Variants in TTC39B observed in about 807,000 individuals in gnomAD.
The protein encoded by TTC39B is tetratricopeptide repeat domain 39B, also known as tetratricopeptide repeat protein 39B.
TTC39B carries 92 observed loss-of-function variants against 96.6 expected under a neutral mutation model. The ratio of observed to expected loss-of-function variants is 0.95; its 90% CI spans 0.80 to 1.13. The LOEUF is 1.13. TTC39B is among the 50% of genes most tolerant of loss of function. The probability of loss-of-function intolerance (pLI) is 0.00; values close to 1 mark genes in which losing one functional copy is unlikely to be tolerated. For synonymous variants in TTC39B, 367 were observed against 299.4 expected (o/e 1.23, Z -2.33); for missense variants, 955 against 809.3 (o/e 1.18, Z -2.18).
At chr9:15,273,107 T>A (rs1823415301) in intron 1 of TTC39B, among the ~76,000 whole-genome samples, 4 of 152,162 alleles carry the variant, frequency 2.6e-5, no homozygotes, top group Non-Finnish European at 4.4e-5. Context: ...GCAAGAACAT[T>A]TGAGTGGAAG....
intron 2 of TTC39B, among the ~76,000 whole-genome samples, chr9:15,241,432 G>T (rs1822034587): frequency 6.6e-6 from 1 of 151,998 alleles, no homozygotes; most frequent in Admixed American, 6.6e-5. Flanking sequence ...AAACATTTAG[G>T]AATGCCATAT....
intron 2 of TTC39B, among the ~76,000 whole-genome samples, chr9:15,232,059 C>A (rs1188387674): frequency 6.6e-6 from 1 of 152,104 alleles, no homozygotes; most frequent in Non-Finnish European, 1.5e-5. Context: ...TCCAGTTCTG[C>A]CCAGCTATGT....
At chr9:15,251,515 A>G (rs1391799245) in intron 2 of TTC39B, among the ~76,000 whole-genome samples, 1 of 151,792 alleles carries the variant, frequency 6.6e-6, no homozygotes, top group Non-Finnish European at 1.5e-5. Flanking sequence ...TGAGCTGAGT[A>G]GCGCCATTGC....
rs1171843201 is a variant in TTC39B at position 15,189,643 on chromosome 9, A to G, written c.1174-10T>C. On this transcript the variant is annotated splice_polypyrimidine_tract_variant and intron_variant, in intron 12 of 19. Transcript: ENST00000512701. ...ACAACACGAGTGAGCCCTGCAGAGC[A>G]AGGAAGAAAACACACTGTTCAACAG... 1 of 1,614,068 alleles carries G rather than the reference A, an allele frequency of 6.2e-7. No individual in the cohort carries two copies. Among genetic ancestry groups the G allele is most frequent in the Non-Finnish European group, 8.5e-7 (1 of 1,180,030 alleles).
chr9:15,217,320 GT>G (rs373246166), intron 3 of TTC39B, among the ~76,000 whole-genome samples: 12 of 152,126 alleles, frequency 7.9e-5, no homozygotes, highest in African/African-American at 2.9e-4. Flanking sequence ...GAAACAGACT[GT>G]GAACAGATAC....
At chr9:15,251,342 C>T (rs1365520151) in intron 2 of TTC39B, among the ~76,000 whole-genome samples, 4 of 152,026 alleles carry the variant, frequency 2.6e-5, no homozygotes, top group Non-Finnish European at 4.4e-5. Context: ...GTGGGTGGAT[C>T]ACCTGAGGTT....
intron 1 of TTC39B, among the ~76,000 whole-genome samples, chr9:15,277,499 T>G (rs961996697): frequency 6.6e-6 from 1 of 152,118 alleles, no homozygotes; most frequent in African/African-American, 2.4e-5. Flanking sequence ...AACCCATAAG[T>G]TATGGAACCT....
chr9:15,258,115 A>C (rs75229200), intron 2 of TTC39B, among the ~76,000 whole-genome samples: 1 of 152,276 alleles, frequency 6.6e-6, no homozygotes, highest in South Asian at 2.1e-4. Flanking sequence ...AGTGGGGTGC[A>C]GTTGGAAAAG....
At chr9:15,244,454 T>A (rs930361584) in intron 2 of TTC39B, among the ~76,000 whole-genome samples, 1 of 152,216 alleles carries the variant, frequency 6.6e-6, no homozygotes, top group African/African-American at 2.4e-5. Context: ...AAAGCAGCAA[T>A]AACAACACCT....
intron 8 of TTC39B, among the ~76,000 whole-genome samples, chr9:15,198,461 AATAT>A (rs61517681): frequency 0.012 from 1,349 of 117,300 alleles, 16 homozygotes; most frequent in African/African-American, 0.039. Flanking sequence ...CGGTCGCAAA[AATAT>A]ATATATATAT....
intron 1 of TTC39B, 39 bp downstream of exon 1, chr9:15,307,045 G>A (rs773834846): frequency 2.7e-5 from 44 of 1,600,386 alleles, no homozygotes; most frequent in Non-Finnish European, 3.8e-5. Flanking sequence ...CCTGTCCAGG[G>A]CTTCAGGGGC....
At chr9:15,307,014 C>G in intron 1 of TTC39B, 70 bp downstream of exon 1, 1 of 1,567,168 alleles carries the variant, frequency 6.4e-7, no homozygotes, top group East Asian at 2.4e-5. Context: ...CCTAGCCGGG[C>G]TCACTCTTCT....
At chr9:15,214,441 A>G (rs1056935078) in intron 3 of TTC39B, among the ~76,000 whole-genome samples, 192 bp from the exon 4 acceptor site, 1 of 151,722 alleles carries the variant, frequency 6.6e-6, no homozygotes, top group African/African-American at 2.4e-5. Context: ...TCATTGGAAA[A>G]CCATGCACTG....
chr9:15,191,337 A>C, intron 9 of TTC39B, 82 bp from the exon 10 acceptor site: 1 of 902,406 alleles, frequency 1.1e-6, no homozygotes, highest in East Asian at 2.6e-5. Flanking sequence ...TTACAGTTTT[A>C]ATGCTTCAAT....
chr9:15,199,318 T>A (rs1469715695), intron 8 of TTC39B, among the ~76,000 whole-genome samples: 1 of 152,178 alleles, frequency 6.6e-6, no homozygotes, highest in East Asian at 1.9e-4. Flanking sequence ...AATCAGAAAT[T>A]ATGTCAGTAG....
At chr9:15,250,522 G>A (rs1220152449) in intron 2 of TTC39B, among the ~76,000 whole-genome samples, 3 of 151,954 alleles carry the variant, frequency 2.0e-5, no homozygotes, top group Non-Finnish European at 4.4e-5. Context: ...CTAAATAAGA[G>A]AAAATCAACT....
At chr9:15,291,578 T>C (rs888067930) in intron 1 of TTC39B, among the ~76,000 whole-genome samples, 9 of 152,346 alleles carry the variant, frequency 5.9e-5, no homozygotes, top group African/African-American at 1.2e-4. Flanking sequence ...AGAGTTCATA[T>C]GGATGATGAC....
chr9:15,192,335 T>C (rs745836301), intron 9 of TTC39B, among the ~76,000 whole-genome samples: 3 of 152,214 alleles, frequency 2.0e-5, no homozygotes, highest in Admixed American at 6.5e-5. Flanking sequence ...CCACTGTTCC[T>C]TGTTACCAAA....
At chr9:15,203,191 C>T (rs906589562) in intron 7 of TTC39B, among the ~76,000 whole-genome samples, 4 of 152,182 alleles carry the variant, frequency 2.6e-5, no homozygotes, top group Non-Finnish European at 4.4e-5. Flanking sequence ...AATACTCTCC[C>T]GGTTTCCACA....
Sources: allele counts gnomAD v4.1 joint callset (sites outside exome capture counted in the v4.1 genomes callset), GRCh38; gene constraint gnomAD v4.1.1; transcripts MANE v1.5; gene names NCBI Gene and HGNC (gene_info 2026-07-23, HGNC 2026-07-21).